Variants in ITGA1 observed in about 807,000 individuals in gnomAD.
ITGA1 encodes integrin alpha-1.
In ITGA1, 85 loss-of-function variants were observed where a neutral mutation model predicts 145.9. The ratio of observed to expected loss-of-function variants is 0.58; its 90% confidence interval spans 0.49 to 0.70. The LOEUF (loss-of-function observed/expected upper bound fraction) is 0.70. Ranked by LOEUF, ITGA1 falls within the 30% of genes least tolerant of loss-of-function variation. ITGA1 has a pLI of 0.00. For synonymous variants in ITGA1, 520 were observed against 495.3 expected (o/e 1.05, Z -0.66); for missense variants, 1,351 against 1,418.7 (o/e 0.95, Z 0.77).
At chr5:52,927,709 G>A (rs1561252046) in intron 20 of ITGA1, 45 bp downstream of exon 20, 1 of 1,230,418 alleles carries the variant, frequency 8.1e-7, no homozygotes, top group East Asian at 2.3e-5. Context: ...AATATGAAAA[G>A]TAATATGTGC....
chr5:52,898,374 T>G lies in ITGA1; in HGVS notation c.1300T>G (p.Ser434Ala), dbSNP rs752581102. The change falls in exon 11 of 29, where the codon TCT becomes GCT. Residue 434 changes from serine (S) to alanine (A), a missense_variant. Ser to Ala is a moderately conservative substitution (Grantham distance 99, BLOSUM62 1). Transcript: ENST00000282588. ...ESTKKNEPLA[S>A]YLGYTVNSAT... ...TACCAAAAAGAATGAACCGCTTGCT[T>G]CTTATTTAGGTAAGGTTTGGATATA... The G allele has an allele frequency of 4.4e-6, 7 of 1,597,156 alleles. No homozygotes were observed. In the East Asian group the frequency reaches 1.6e-4, roughly 36 times the overall value.
At chr5:52,857,575 C>A (rs757363393) in intron 2 of ITGA1, among the ~76,000 whole-genome samples, 9 of 152,000 alleles carry the variant, frequency 5.9e-5, no homozygotes, top group Non-Finnish European at 1.2e-4. Flanking sequence ...ATTCTTGCCT[C>A]CTATTCTTTA....
intron 9 of ITGA1, among the ~76,000 whole-genome samples, chr5:52,897,168 C>G (rs1750239223): frequency 6.6e-6 from 1 of 152,128 alleles, no homozygotes; most frequent in South Asian, 2.1e-4. Context: ...ATAGGATCCA[C>G]AACATGCTAC....
chr5:52,910,389 T>C lies in ITGA1; in HGVS notation c.1827T>C (p.Ser609=), dbSNP rs1428594559. 2 of 1,613,674 alleles carry C rather than the reference T, an allele frequency of 1.2e-6. No homozygotes were observed. The highest frequency in any genetic ancestry group is 2.2e-5 in the South Asian group (2 of 91,068). ...GAGCTGTGTACATTTATCATGGAAG[T>C]GGCAAGACTATAAGGAAAGAGTATG... ...HGGAVYIYHG[S]GKTIRKEYAQ... Residue 609 remains serine (S), a synonymous_variant, in exon 14 of 29, where the codon AGT becomes AGC. Transcript: ENST00000282588.
intron 2 of ITGA1, among the ~76,000 whole-genome samples, chr5:52,850,183 G>A (rs1055065211): frequency 4.6e-5 from 7 of 151,766 alleles, no homozygotes. Flanking sequence ...TGTATTTCTA[G>A]TAGAGACACG....
intron 1 of ITGA1, among the ~76,000 whole-genome samples, chr5:52,794,587 T>C (rs1748304169): frequency 6.6e-6 from 1 of 151,372 alleles, no homozygotes; most frequent in Admixed American, 6.6e-5. Context: ...TATTATTTTG[T>C]GACAACTGCA....
intron 1 of ITGA1, among the ~76,000 whole-genome samples, chr5:52,789,002 A>G (rs963449365): frequency 2.4e-4 from 36 of 152,234 alleles, no homozygotes; most frequent in Non-Finnish European, 7.3e-5. Flanking sequence ...GGAATGGTGA[A>G]CATTTTCTCT....
chr5:52,800,152 C>T (rs1251556485), intron 1 of ITGA1: 3 of 544,532 alleles, frequency 5.5e-6, no homozygotes, highest in Non-Finnish European at 9.9e-6. Context: ...GGTAGATTTT[C>T]GCTGCAGTGT....
chr5:52,794,500 T>TACACACACACACACACAC (rs56996823), intron 1 of ITGA1, among the ~76,000 whole-genome samples: 13 of 141,834 alleles, frequency 9.2e-5, no homozygotes, highest in African/African-American at 3.1e-4. Flanking sequence ...CAAATAGAAA[T>TACACACACACACACACAC]ACACACACAC....
chr5:52,930,098 T>C (rs1019771430), intron 21 of ITGA1, among the ~76,000 whole-genome samples: 3 of 152,146 alleles, frequency 2.0e-5, no homozygotes, highest in Non-Finnish European at 2.9e-5. Flanking sequence ...TTTTGTAATT[T>C]AATATACTTT....
At chr5:52,924,381 G>T (rs901089323) in intron 18 of ITGA1, among the ~76,000 whole-genome samples, 2 of 152,142 alleles carry the variant, frequency 1.3e-5, no homozygotes, top group African/African-American at 4.8e-5. Flanking sequence ...CTATTTAGGG[G>T]AGTTTGGGGA....
chr5:52,886,164 C>T (rs1431264948), intron 7 of ITGA1, among the ~76,000 whole-genome samples: 1 of 152,106 alleles, frequency 6.6e-6, no homozygotes, highest in African/African-American at 2.4e-5. Flanking sequence ...AGGAGCCTGA[C>T]TCGGTTTTGG....
intron 3 of ITGA1, chr5:52,864,052 T>A (rs1161037778): frequency 1.3e-5 from 2 of 152,230 alleles, no homozygotes; most frequent in African/African-American, 4.8e-5. Flanking sequence ...GAATTTTGCC[T>A]CTTTCTAATA....
rs548318871 is a variant in ITGA1, at chr5:52,944,968, C to A, written c.3311C>A (p.Thr1104Asn). Reference protein sequence around the residue: ...IKSYFSSLNLTIRGELRSENA... With the variant: ...IKSYFSSLNLNIRGELRSENA... Reference sequence around the variant, plus strand: ...TCATATTTTTCCAGCTTAAATCTTACTATAAGGGGAGAACTTCGGAGTGAA... The same window carrying A: ...TCATATTTTTCCAGCTTAAATCTTAATATAAGGGGAGAACTTCGGAGTGAA... Residue 1104 changes from threonine (T) to asparagine (N), a missense_variant, in exon 27 of 29, where the codon ACT (threonine) becomes AAT (asparagine). Transcript: ENST00000282588. 1 of 1,612,578 alleles carries A rather than the reference C, an allele frequency of 6.2e-7. No individual in the cohort carries two copies. Among genetic ancestry groups the A allele is most frequent in the East Asian group, 2.2e-5 (1 of 44,750 alleles).
chr5:52,897,562 T>C, intron 10 of ITGA1, 34 bp downstream of exon 10: 1 of 1,556,580 alleles, frequency 6.4e-7, no homozygotes, highest in Non-Finnish European at 8.9e-7. Context: ...ATGAAATATA[T>C]GTTTGCAAGA....
chr5:52,859,667 T>G (rs980028749), intron 2 of ITGA1, among the ~76,000 whole-genome samples: 1 of 152,244 alleles, frequency 6.6e-6, no homozygotes, highest in African/African-American at 2.4e-5. Flanking sequence ...CAATTTGTAC[T>G]TCAATGCAAC....
rs141911506 is a variant in ITGA1 at position 52,877,978 on chromosome 5, G to T, written c.625-3895G>T. Among the ~76,000 whole-genome samples, 140 of 152,278 alleles carry T rather than the reference G, an allele frequency of 9.2e-4. 1 individual carries two copies. Among genetic ancestry groups the T allele is most frequent in the Admixed American group, 6.9e-3 (105 of 15,294 alleles). ...ATTTCCAACAGAAAGCAGATGAATTGGGGAAGCAAAACAAGGTATCAACAG... is the reference window on the plus strand; with the variant it reads ...ATTTCCAACAGAAAGCAGATGAATTTGGGAAGCAAAACAAGGTATCAACAG... On this transcript the variant is annotated intron_variant, in intron 6 of 28. Transcript: ENST00000282588.
intron 1 of ITGA1, among the ~76,000 whole-genome samples, chr5:52,830,654 T>C (rs1749047072): frequency 6.6e-6 from 1 of 152,208 alleles, no homozygotes; most frequent in Admixed American, 6.6e-5. Context: ...TCATAAAGTG[T>C]TGATGTAAAT....
intron 6 of ITGA1, among the ~76,000 whole-genome samples, chr5:52,870,214 AT>A (rs1749757316): frequency 6.6e-6 from 1 of 151,978 alleles, no homozygotes; most frequent in Admixed American, 6.5e-5. Context: ...TTTTAGTTTT[AT>A]TTGTTTCTTT....
Sources: gnomAD v4.1 joint callset for allele counts (sites outside exome capture counted in the v4.1 genomes callset) on GRCh38, gnomAD v4.1.1 for gene constraint, MANE v1.5 for transcripts, NCBI Gene and HGNC (gene_info 2026-07-23, HGNC 2026-07-21) for gene names.